The following ATF6 variants were observed in gnomAD, a reference collection of about 807,000 sequenced individuals.
ATF6 encodes activating transcription factor 6.
ATF6 carries 53 observed loss-of-function variants against 83.6 expected under a neutral mutation model. The observed-to-expected ratio is 0.63, with a 90% CI of 0.51 to 0.80. The LOEUF (loss-of-function observed/expected upper bound fraction) is 0.80, where lower values mean the gene tolerates loss of function less well. ATF6 is among the 30% of genes least tolerant of loss of function. The pLI is 0.00. For missense variants in ATF6, 744 were observed against 797.9 expected, an observed-to-expected ratio of 0.93 and a Z score of 0.81; for synonymous variants, 288 against 285.8, an observed-to-expected ratio of 1.01 and a Z score of -0.08.
chr1:161,898,946 T>C (rs549000122), intron 14 of ATF6, among the ~76,000 whole-genome samples: 1 of 152,310 alleles, frequency 6.6e-6, no homozygotes, highest in South Asian at 2.1e-4. Flanking sequence ...GTTTTGCATA[T>C]GGTAAAATTC....
At chr1:161,943,695 C>G (rs1688696233) in intron 15 of ATF6, among the ~76,000 whole-genome samples, 1 of 152,178 alleles carries the variant, frequency 6.6e-6, no homozygotes, top group African/African-American at 2.4e-5. Flanking sequence ...CTAGCTCCCC[C>G]AGTTCTGCCA....
intron 15 of ATF6, among the ~76,000 whole-genome samples, chr1:161,932,616 A>G (rs771565674): frequency 6.6e-6 from 1 of 152,212 alleles, no homozygotes; most frequent in Non-Finnish European, 1.5e-5. Context: ...TATTAGCTCA[A>G]TGAATAATTA....
At chr1:161,929,091 A>C (rs1216178175) in intron 15 of ATF6, among the ~76,000 whole-genome samples, 1 of 152,244 alleles carries the variant, frequency 6.6e-6, no homozygotes, top group Non-Finnish European at 1.5e-5. Flanking sequence ...AGAGGTACAA[A>C]TATGAAAACT....
intron 9 of ATF6, among the ~76,000 whole-genome samples, chr1:161,843,652 A>G (rs1336973025): frequency 6.6e-6 from 1 of 152,198 alleles, no homozygotes. Context: ...CTGTTAAAAT[A>G]TACTGTATTT....
In ATF6 at chr1:161,821,083, A is replaced by G; in HGVS notation, c.1109A>G (p.Lys370Arg). The G allele has an allele frequency of 6.2e-7, 1 of 1,610,604 alleles. No homozygotes were observed. The highest frequency in any genetic ancestry group is 8.5e-7 in the Non-Finnish European group (1 of 1,178,332). Residue 370 changes from lysine to arginine, a missense_variant, in exon 9 of 16, where the codon AAA (lysine) becomes AGA (arginine). Coordinates refer to ENST00000367942, the MANE Select transcript of ATF6 (RefSeq NM_007348.4). ...DEVVSENQRL[K>R]VPSPKRRVVC... is the part of the protein sequence containing the mutation. ...CATTTCCTTTAGAACCAGAGGCTTA[A>G]AGTCCCTAGTCCAAAGCGAAGAGTT...
At chr1:161,917,150 C>T (rs1463593684) in intron 15 of ATF6, among the ~76,000 whole-genome samples, 2 of 152,168 alleles carry the variant, frequency 1.3e-5, no homozygotes, top group Non-Finnish European at 2.9e-5. Context: ...TAACTCATGT[C>T]ATGCTGAGCT....
chr1:161,945,787 A>G (rs751539808), intron 15 of ATF6, among the ~76,000 whole-genome samples: 11 of 152,226 alleles, frequency 7.2e-5, no homozygotes, highest in Non-Finnish European at 1.5e-4. Context: ...AAGCTATGTT[A>G]TATAAGCATT....
chr1:161,808,844 T>G (rs1269623728), intron 7 of ATF6, among the ~76,000 whole-genome samples: 1 of 152,104 alleles, frequency 6.6e-6, no homozygotes, highest in African/African-American at 2.4e-5. Flanking sequence ...GTGCTGAGAT[T>G]ACAGGCATAA....
At chr1:161,941,199 TA>T (rs1688636122) in intron 15 of ATF6, among the ~76,000 whole-genome samples, 1 of 152,226 alleles carries the variant, frequency 6.6e-6, no homozygotes, top group Non-Finnish European at 1.5e-5. Flanking sequence ...CTGGGCTATA[TA>T]TTAAAGTGGG....
At chr1:161,823,386 CATTT>C (rs1450054855) in intron 9 of ATF6, among the ~76,000 whole-genome samples, 2 of 152,046 alleles carry the variant, frequency 1.3e-5, no homozygotes, top group African/African-American at 4.8e-5. Context: ...TCTATATACA[CATTT>C]ATTTGCTACT....
chr1:161,838,632 T>C (rs1686279654), intron 9 of ATF6, among the ~76,000 whole-genome samples: 3 of 152,180 alleles, frequency 2.0e-5, no homozygotes, highest in Admixed American at 2.0e-4. Flanking sequence ...TTCCTCACAG[T>C]TTAGTGTCTG....
chr1:161,766,933 A>G lies in ATF6; in HGVS notation c.82+491A>G, dbSNP rs546370127. 5.6e-4 allele frequency among the ~76,000 whole-genome samples: 85 copies of G among 152,326 alleles called. 1 individual carries two copies. The Middle Eastern group carries it at 0.01, about 18-fold the overall frequency. ...CTGATGTCCGTCTTGGCAGAAAAGC[A>G]AAACACCCAAGCACCTGACCTCGGG... On this transcript the variant is annotated intron_variant, in intron 1 of 15. Coordinates refer to ENST00000367942, the MANE Select transcript of ATF6 (RefSeq NM_007348.4).
intron 14 of ATF6, among the ~76,000 whole-genome samples, chr1:161,894,521 C>CTTTTTTTTTTTTTTTTTTT (rs71093131): frequency 6.7e-5 from 3 of 44,850 alleles, no homozygotes; most frequent in African/African-American, 2.0e-4. Context: ...GTTTTGTAGT[C>CTTTTTTTTTTTTTTTTTTT]TTTTTTTTTT....
rs557023905 is a variant in ATF6 at position 161,956,764 on chromosome 1, G to A, written c.1805-1682G>A. Among the ~76,000 whole-genome samples the A allele has an allele frequency of 2.0e-5, 3 of 152,330 alleles. No homozygotes were observed. In the South Asian group the frequency reaches 6.2e-4, roughly 32 times the overall value. On this transcript the variant is annotated intron_variant, in intron 15 of 15. Coordinates refer to ENST00000367942, the MANE Select transcript of ATF6 (RefSeq NM_007348.4). ...GACTATTTTAAACATTGGAACAAAT[G>A]AGTGACCAACAGAAGTGGAGGAATT...
At chr1:161,954,157 G>A (rs767416480) in intron 15 of ATF6, among the ~76,000 whole-genome samples, 1 of 152,154 alleles carries the variant, frequency 6.6e-6, no homozygotes, top group South Asian at 2.1e-4. Flanking sequence ...AAAATTATAA[G>A]TAAGAATGGC....
At chr1:161,849,079 T>G (rs1686551563) in intron 10 of ATF6, among the ~76,000 whole-genome samples, 1 of 152,196 alleles carries the variant, frequency 6.6e-6, no homozygotes, top group Admixed American at 6.5e-5. Flanking sequence ...AGTGTTTGTA[T>G]TTTTCTAAGT....
At chr1:161,944,976 C>T (rs964843772) in intron 15 of ATF6, among the ~76,000 whole-genome samples, 3 of 152,200 alleles carry the variant, frequency 2.0e-5, no homozygotes, top group Admixed American at 6.5e-5. Flanking sequence ...TGTATCTCAT[C>T]CTGGTTCATT....
intron 15 of ATF6, among the ~76,000 whole-genome samples, chr1:161,921,215 G>C (rs188740328): frequency 2.2e-4 from 33 of 152,296 alleles, no homozygotes; most frequent in Admixed American, 5.2e-4. Flanking sequence ...GGAAGAGACA[G>C]TAAAGAGAGG....
rs1290471414 is a variant in ATF6 at position 161,819,829 on chromosome 1, G to A, written c.1095+11G>A. The A allele has an allele frequency of 8.1e-6, 13 of 1,599,660 alleles. No individual in the cohort carries two copies. Among genetic ancestry groups the A allele is most frequent in the Non-Finnish European group, 1.1e-5 (13 of 1,174,394 alleles). On this transcript the variant is annotated intron_variant, in intron 8 of 15. Coordinates refer to ENST00000367942, the MANE Select transcript of ATF6 (RefSeq NM_007348.4). ...GAAGTTGTGTCAGAGGTAAGTGTTA[G>A]TAATACGGCTGAGTCGAGATGGGCT...
Sources: allele counts gnomAD v4.1 joint callset (sites outside exome capture counted in the v4.1 genomes callset), GRCh38; gene constraint gnomAD v4.1.1; transcripts MANE v1.5; gene names NCBI Gene and HGNC (gene_info 2026-07-23, HGNC 2026-07-21).